Variants in HECW1 observed in about 807,000 individuals in gnomAD.
HECW1 encodes E3 ubiquitin-protein ligase HECW1.
Under a neutral mutation model 182.3 loss-of-function variants are expected in HECW1, and 61 were observed. The observed-to-expected ratio is 0.33, with a 90% confidence interval of 0.27 to 0.41. The LOEUF (loss-of-function observed/expected upper bound fraction) is 0.41. HECW1 is among the 10% of genes least tolerant of loss of function. HECW1 has a pLI of 1.00. For synonymous variants in HECW1, 859 were observed against 832.6 expected, an observed-to-expected ratio of 1.03 and a Z score of -0.55; for missense variants, 1,739 against 2,108.9, an observed-to-expected ratio of 0.82 and a Z score of 3.44.
intron 3 of HECW1, among the ~76,000 whole-genome samples, chr7:43,303,223 C>T (rs1397589530): frequency 6.6e-6 from 1 of 152,178 alleles, no homozygotes; most frequent in Admixed American, 6.5e-5. Context: ...TAGACTTGAG[C>T]AAAGCAGTGA....
At position 43,175,830 on chromosome 7, in the gene HECW1, C is replaced by T. The variant is rs574758333; in HGVS notation, c.-32+61439C>T. Among the ~76,000 whole-genome samples the T allele has an allele frequency of 1.7e-4, 26 of 152,228 alleles. No individual in the cohort carries two copies. In the East Asian group the frequency reaches 4.4e-3, roughly 26 times the overall value. ...TGACGGCTTTTGGTTGTTCTAGTCA[C>T]GTTTTCCTTCTCACAGGCGCACCTC... On this transcript the variant is annotated intron_variant, in intron 2 of 29. Coordinates refer to ENST00000395891, the MANE Select transcript of HECW1 (RefSeq NM_015052.5).
intron 29 of HECW1, among the ~76,000 whole-genome samples, chr7:43,556,381 G>A (rs1442394777): frequency 6.6e-6 from 1 of 152,162 alleles, no homozygotes; most frequent in East Asian, 1.9e-4. Flanking sequence ...AGAGTTTGGT[G>A]AGCCACAAAC....
At chr7:43,425,959 A>G (rs540267304) in intron 8 of HECW1, among the ~76,000 whole-genome samples, 1 of 152,264 alleles carries the variant, frequency 6.6e-6, no homozygotes, top group African/African-American at 2.4e-5. Flanking sequence ...CACCTTTGAG[A>G]GAAAACAGAG....
intron 24 of HECW1, among the ~76,000 whole-genome samples, chr7:43,534,965 C>A: frequency 6.6e-6 from 1 of 152,184 alleles, no homozygotes; most frequent in Non-Finnish European, 1.5e-5. Flanking sequence ...AGTCCTTGTA[C>A]AAAGGACTTT....
intron 8 of HECW1, among the ~76,000 whole-genome samples, chr7:43,416,654 C>G (rs1177322564): frequency 2.7e-5 from 4 of 147,950 alleles, no homozygotes; most frequent in Admixed American, 1.3e-4. Flanking sequence ...AGTTTGATCT[C>G]AGACTGCTGT....
At chr7:43,294,589 T>A (rs1175885565) in intron 3 of HECW1, among the ~76,000 whole-genome samples, 2 of 152,170 alleles carry the variant, frequency 1.3e-5, no homozygotes, top group Non-Finnish European at 2.9e-5. Flanking sequence ...CCCATCCCAG[T>A]CCCAGCTTCC....
chr7:43,125,478 C>T (rs184353937), intron 2 of HECW1, among the ~76,000 whole-genome samples: 3 of 151,534 alleles, frequency 2.0e-5, no homozygotes, highest in East Asian at 2.0e-4. Flanking sequence ...AGGCATTGGT[C>T]GGGTGTGGTG....
intron 4 of HECW1, among the ~76,000 whole-genome samples, chr7:43,316,737 A>C: frequency 1.6e-5 from 1 of 61,882 alleles, no homozygotes; most frequent in Admixed American, 1.9e-4. Flanking sequence ...GGCCCACAGC[A>C]TCCATTCCAG....
At chr7:43,522,360 TC>T (rs1479800997) in intron 24 of HECW1, 1 of 152,132 alleles carries the variant, frequency 6.6e-6, no homozygotes, top group Non-Finnish European at 1.5e-5. Context: ...ATGTCCTGAT[TC>T]CCTGCTAGTC....
chr7:43,372,157 G>C (rs2074132755), intron 6 of HECW1, among the ~76,000 whole-genome samples: 1 of 152,038 alleles, frequency 6.6e-6, no homozygotes. Flanking sequence ...GCAAGGCTCA[G>C]AGCAGTGCCT....
intron 6 of HECW1, among the ~76,000 whole-genome samples, chr7:43,367,854 A>ATT (rs994969168): frequency 1.3e-5 from 2 of 152,102 alleles, no homozygotes; most frequent in Admixed American, 1.3e-4. Flanking sequence ...TCCACATCAC[A>ATT]TTTTTTCTCG....
intron 6 of HECW1, among the ~76,000 whole-genome samples, chr7:43,394,307 A>G (rs903540261): frequency 6.6e-6 from 1 of 152,234 alleles, no homozygotes; most frequent in Non-Finnish European, 1.5e-5. Context: ...GGTGTCAGCC[A>G]TTGATGGGAA....
intron 27 of HECW1, among the ~76,000 whole-genome samples, chr7:43,551,964 T>C (rs1179454530): frequency 8.5e-6 from 1 of 117,486 alleles, no homozygotes; most frequent in Non-Finnish European, 2.1e-5. Context: ...AGCTCTCATA[T>C]CTAAGCACCC....
intron 2 of HECW1, among the ~76,000 whole-genome samples, chr7:43,151,832 A>G (rs1235196958): frequency 1.3e-5 from 2 of 152,332 alleles, no homozygotes; most frequent in Non-Finnish European, 1.5e-5. Flanking sequence ...ATTTAAAGAT[A>G]TATAAGAGAA....
intron 2 of HECW1, among the ~76,000 whole-genome samples, chr7:43,120,433 C>T (rs2152602644): frequency 6.6e-6 from 1 of 152,254 alleles, no homozygotes; most frequent in Non-Finnish European, 1.5e-5. Flanking sequence ...GTGCTATTCT[C>T]TGTCTCCCCT....
chr7:43,483,618 G>A (rs1197869850), intron 17 of HECW1, among the ~76,000 whole-genome samples: 3 of 145,052 alleles, frequency 2.1e-5, no homozygotes, highest in Non-Finnish European at 3.0e-5. Context: ...GTGCGATCTC[G>A]GCTCACTGCA....
At chr7:43,198,253 A>G (rs1174271852) in intron 2 of HECW1, among the ~76,000 whole-genome samples, 2 of 148,996 alleles carry the variant, frequency 1.3e-5, no homozygotes, top group Admixed American at 1.3e-4. Flanking sequence ...AGTCTCTCAC[A>G]CACCCACTCA....
chr7:43,220,200 A>G (rs532399516), intron 2 of HECW1, among the ~76,000 whole-genome samples: 1 of 152,246 alleles, frequency 6.6e-6, no homozygotes, highest in African/African-American at 2.4e-5. Flanking sequence ...CAGTTTTATT[A>G]TAGCAAAAGG....
intron 8 of HECW1, among the ~76,000 whole-genome samples, chr7:43,408,622 G>C (rs1464595132): frequency 6.6e-6 from 1 of 152,080 alleles, no homozygotes; most frequent in Non-Finnish European, 1.5e-5. Context: ...ACAGGCAGAG[G>C]TTGTAGTGAG....
Sources: gnomAD v4.1 joint callset for allele counts (sites outside exome capture counted in the v4.1 genomes callset) on GRCh38, gnomAD v4.1.1 for gene constraint, MANE v1.5 for transcripts, NCBI Gene and HGNC (gene_info 2026-07-23, HGNC 2026-07-21) for gene names.